The following PCDHGB6 variants were observed in gnomAD, a reference collection of about 807,000 sequenced individuals.
PCDHGB6 encodes the protein protocadherin gamma-B6.
A neutral mutation model predicts 59.1 loss-of-function variants in PCDHGB6; 51 were observed. That is an observed-to-expected ratio of 0.86 (90% CI 0.69 to 1.09). PCDHGB6 has a LOEUF of 1.09. PCDHGB6 is among the 50% of genes least tolerant of loss of function. PCDHGB6 has a pLI of 0.00. For missense variants in PCDHGB6, 1,148 were observed against 1,205.1 expected, an observed-to-expected ratio of 0.95 and a Z score of 0.70; for synonymous variants, 466 against 495.1, an observed-to-expected ratio of 0.94 and a Z score of 0.78.
At chr5:141,427,100 T>G (rs1270371842) in intron 1 of PCDHGB6, 1 of 458,010 alleles carries the variant, frequency 2.2e-6, no homozygotes, top group Non-Finnish European at 4.4e-6. Flanking sequence ...AGGGTGTCAA[T>G]GCGGAGATCA....
intron 1 of PCDHGB6, chr5:141,423,382 C>A (rs1244632347): frequency 6.2e-7 from 1 of 1,614,118 alleles, no homozygotes; most frequent in Admixed American, 1.7e-5. Context: ...CAGGCTGTGG[C>A]GCTGGCATAA....
At position 141,409,339 on chromosome 5, in the gene PCDHGB6, T is replaced by G; in HGVS notation, c.1137T>G (p.Asn379Lys). The change falls in exon 1 of 4, where the codon AAT (asparagine) becomes AAG (lysine). Residue 379 changes from asparagine (N) to lysine (K), a missense_variant. Around this residue, in one of 5 missense-constraint regions of PCDHGB6, gnomAD observed 549 missense variants for 527.5 expected, o/e 1.04. Coordinates refer to ENST00000520790, the MANE Select transcript of PCDHGB6 (RefSeq NM_018926.3). ...FKTRDLDFGG[N>K]GEVRCNIETD... ...CACGGGATCTGGATTTCGGAGGAAA[T>G]GGAGAAGTCAGGTGTAATATAGAAA... 1 of 1,613,954 alleles carries G rather than the reference T, an allele frequency of 6.2e-7. No individual in the cohort carries two copies. Among genetic ancestry groups the G allele is most frequent in the South Asian group, 1.1e-5 (1 of 91,084 alleles).
At chr5:141,441,871 G>A (rs1020432020) in intron 1 of PCDHGB6, 3 of 340,480 alleles carry the variant, frequency 8.8e-6, no homozygotes, top group Admixed American at 8.1e-5. Context: ...CGCGGAGCCT[G>A]GCTACCTGGT....
At chr5:141,470,694 A>T (rs763715272) in intron 1 of PCDHGB6, among the ~76,000 whole-genome samples, 1 of 151,978 alleles carries the variant, frequency 6.6e-6, no homozygotes, top group African/African-American at 2.4e-5. Flanking sequence ...GAAATTCTTA[A>T]TAATTTTTAT....
At chr5:141,501,287 T>C (rs1025193070) in intron 2 of PCDHGB6, among the ~76,000 whole-genome samples, 1 of 96,980 alleles carries the variant, frequency 1.0e-5, no homozygotes, top group African/African-American at 4.2e-5. Context: ...GGATATTCCC[T>C]TATACACACA....
At chr5:141,419,529 A>G (rs2096395609) in intron 1 of PCDHGB6, 2 of 1,612,082 alleles carry the variant, frequency 1.2e-6, no homozygotes, top group Non-Finnish European at 1.7e-6. Context: ...GACCGTAACG[A>G]CAACGCACCG....
chr5:141,438,288 G>C (rs752722248), intron 1 of PCDHGB6, among the ~76,000 whole-genome samples: 18 of 151,902 alleles, frequency 1.2e-4, no homozygotes, highest in Non-Finnish European at 2.1e-4. Flanking sequence ...AATTTAATCT[G>C]TATGTAAAAG....
At chr5:141,497,284 A>G (rs1486878285) in intron 2 of PCDHGB6, among the ~76,000 whole-genome samples, 1 of 152,104 alleles carries the variant, frequency 6.6e-6, no homozygotes, top group South Asian at 2.1e-4. Context: ...TGTTCCCTCT[A>G]CCTACCACCA....
Position 141,485,746 on chromosome 5 carries a change from C to T in PCDHGB6, c.2419-9061C>T, listed in dbSNP as rs1297635523. ...AGAAGCGCAGCGACGGCAGCCTGGT[C>T]CCAGAGCTGCTCCTGGAGAAGCCTT... On this transcript the variant is annotated intron_variant, in intron 1 of 3. Coordinates refer to ENST00000520790, the MANE Select transcript of PCDHGB6 (RefSeq NM_018926.3). The surrounding 1 kb of genome is among the most constrained non-coding windows in gnomAD (Gnocchi z 5.7). 6.2e-7 allele frequency: 1 copy of T among 1,614,128 alleles called. No individual in the cohort carries two copies. The highest frequency in any genetic ancestry group is 2.2e-5 in the East Asian group (1 of 44,880).
Position 141,423,275 on chromosome 5 carries a change from C to T in PCDHGB6, c.2418+12655C>T. 1.2e-6 allele frequency: 2 copies of T among 1,614,012 alleles called. No homozygotes were observed. The highest frequency in any genetic ancestry group is 1.7e-6 in the Non-Finnish European group (2 of 1,179,970). ...GACCTCGGCAGCCTCGAGTCTCTGGCTAACTCTGAAACCTCAGACCTCTCG... is the reference window on the plus strand; with the variant it reads ...GACCTCGGCAGCCTCGAGTCTCTGGTTAACTCTGAAACCTCAGACCTCTCG... On this transcript the variant is annotated intron_variant, in intron 1 of 3. Transcript: ENST00000520790.
intron 1 of PCDHGB6, among the ~76,000 whole-genome samples, chr5:141,439,132 G>C (rs1180893484): frequency 6.6e-6 from 1 of 151,054 alleles, no homozygotes; most frequent in African/African-American, 2.4e-5. Context: ...GACAGAGGTT[G>C]CAGTGAGCTG....
chr5:141,510,289 A>T (rs1279501931), intron 3 of PCDHGB6, among the ~76,000 whole-genome samples: 3 of 151,754 alleles, frequency 2.0e-5, no homozygotes, highest in Non-Finnish European at 4.4e-5. Context: ...AAAAAAAAAA[A>T]AATGCTGTTT....
chr5:141,413,441 T>A, intron 1 of PCDHGB6: 1 of 1,614,056 alleles, frequency 6.2e-7, no homozygotes, highest in South Asian at 1.1e-5. Context: ...GGCAGCTTGA[T>A]CACCGCGGGC....
rs1330257915 is a variant in PCDHGB6 at position 141,486,153 on chromosome 5, C to T, written c.2419-8654C>T. Reference sequence around the variant, plus strand: ...GATGTGCGGGCTCGCGATGGGGGTTCTCCAGCCATGGAGCAACATTGCAGC... The same window carrying T: ...GATGTGCGGGCTCGCGATGGGGGTTTTCCAGCCATGGAGCAACATTGCAGC... On this transcript the variant is annotated intron_variant, in intron 1 of 3. Transcript: ENST00000520790. This position sits in a 1 kb window ranked among gnomAD's most constrained non-coding sequence, Gnocchi z 5.0. 1 of 1,614,084 alleles carries T rather than the reference C, an allele frequency of 6.2e-7. No homozygotes were observed. Among genetic ancestry groups the T allele is most frequent in the Non-Finnish European group, 8.5e-7 (1 of 1,180,036 alleles).
Position 141,490,162 on chromosome 5 carries a change from A to C in PCDHGB6, c.2419-4645A>C. ...TGGGGCAATCCATGTGTTGGGTCCC[A>C]TAGACTTTGAGGAGTCACGTTTCTA... On this transcript the variant is annotated intron_variant, in intron 1 of 3. Coordinates refer to ENST00000520790, the MANE Select transcript of PCDHGB6 (RefSeq NM_018926.3). The surrounding 1 kb of genome is among the most constrained non-coding windows in gnomAD (Gnocchi z 5.4). The C allele has an allele frequency of 6.2e-7, 1 of 1,614,218 alleles. No individual in the cohort carries two copies. The highest frequency in any genetic ancestry group is 8.5e-7 in the Non-Finnish European group (1 of 1,180,028).
intron 1 of PCDHGB6, chr5:141,427,241 T>C (rs1381559575): frequency 4.4e-6 from 2 of 456,696 alleles, no homozygotes; most frequent in Admixed American, 2.3e-5. Flanking sequence ...GAGTAGAAGC[T>C]AAGGATGGTG....
At chr5:141,419,570 G>T in intron 1 of PCDHGB6, 1 of 1,611,766 alleles carries the variant, frequency 6.2e-7, no homozygotes. Context: ...GGGTCCCGAC[G>T]GCTCCGCGCT....
intron 1 of PCDHGB6, among the ~76,000 whole-genome samples, chr5:141,435,605 C>T (rs776926758): frequency 1.1e-4 from 17 of 152,134 alleles, no homozygotes; most frequent in Non-Finnish European, 1.9e-4. Flanking sequence ...CTGCTTTTTA[C>T]ATTAAATTCC....
intron 1 of PCDHGB6, among the ~76,000 whole-genome samples, chr5:141,456,288 G>A (rs371687260): frequency 1.4e-3 from 217 of 152,226 alleles, no homozygotes; most frequent in Middle Eastern, 6.8e-3. Context: ...GAAAAGGGGC[G>A]TCTAATGGAG....
Sources: gnomAD v4.1 joint callset for allele counts (sites outside exome capture counted in the v4.1 genomes callset) on GRCh38, gnomAD v4.1.1 for gene constraint, gnomAD v4.1.1 regional missense constraint, Gnocchi (gnomAD v3.1) non-coding constraint, MANE v1.5 for transcripts, NCBI Gene and HGNC (gene_info 2026-07-23, HGNC 2026-07-21) for gene names.